LIX1L: variants seen among roughly 807,000 people sequenced by gnomAD.
LIX1L encodes the protein LIX1-like protein.
A neutral mutation model predicts 34.0 loss-of-function variants in LIX1L; 20 were observed. The ratio of observed to expected loss-of-function variants is 0.59; its 90% confidence interval spans 0.41 to 0.85. The LOEUF (loss-of-function observed/expected upper bound fraction) is 0.85. Ranked by LOEUF, LIX1L falls within the 40% of genes least tolerant of loss-of-function variation. The probability of loss-of-function intolerance (pLI) is 0.00; values close to 1 mark genes in which losing one functional copy is unlikely to be tolerated. For missense variants in LIX1L, 397 were observed against 447.0 expected (o/e 0.89, Z 1.01); for synonymous variants, 170 against 187.4 (o/e 0.91, Z 0.76).
chr1:145,936,817 T>C (rs587686633), intron 5 of LIX1L, 91 bp downstream of exon 5: 2 of 953,920 alleles, frequency 2.1e-6, no homozygotes, highest in African/African-American at 1.6e-5. Flanking sequence ...TAGGTCACAA[T>C]AGACCTTATT....
chr1:145,951,589 A>T (rs1302030417), intron 1 of LIX1L, among the ~76,000 whole-genome samples: 2 of 152,210 alleles, frequency 1.3e-5, no homozygotes, highest in Non-Finnish European at 2.9e-5. Context: ...TTAAAAAAAG[A>T]TCCAGCATGA....
intron 1 of LIX1L, among the ~76,000 whole-genome samples, chr1:145,956,474 C>G (rs1363569234): frequency 2.6e-5 from 4 of 152,120 alleles, no homozygotes; most frequent in Non-Finnish European, 5.9e-5. Context: ...GAAACTGAAG[C>G]TCAGTGAAAT....
intron 1 of LIX1L, among the ~76,000 whole-genome samples, chr1:145,955,888 G>C (rs1488078459): frequency 3.3e-5 from 5 of 152,204 alleles, no homozygotes; most frequent in African/African-American, 1.2e-4. Flanking sequence ...AGGATGTCCA[G>C]TTTGGGAGCC....
chr1:145,941,738 GT>G (rs1416104280), intron 3 of LIX1L, among the ~76,000 whole-genome samples: 1 of 152,102 alleles, frequency 6.6e-6, no homozygotes, highest in African/African-American at 2.4e-5. Flanking sequence ...CCACTTCTGT[GT>G]TTTTAGTCTC....
At chr1:145,954,448 G>A (rs74119670) in intron 1 of LIX1L, among the ~76,000 whole-genome samples, 10,731 of 152,212 alleles carry the variant, frequency 0.071, 1,290 homozygotes, top group African/African-American at 0.24. Flanking sequence ...AGCTATCTGT[G>A]ATTCTGAGGA....
rs781935222 is a variant in LIX1L at position 145,957,830 on chromosome 1, G to A, written c.98C>T (p.Ala33Val). The A allele has an allele frequency of 1.1e-4, 151 of 1,401,486 alleles. No homozygotes were observed. Among genetic ancestry groups the A allele is most frequent in the Non-Finnish European group, 1.4e-4 (149 of 1,079,256 alleles). 86.8% of individuals were successfully genotyped at this position (1,401,486 alleles called of 1,614,324 possible). The change falls in exon 1 of 6, where the codon GCC becomes GTC. Residue 33 changes from alanine (A) to valine (V), a missense_variant. By Grantham distance (64) the Ala-to-Val change is moderately conservative (BLOSUM62 0). This residue lies in a region of LIX1L where 207 missense variants were observed against 205.2 expected (regional missense o/e 1.01). Transcript: ENST00000604000. Reference sequence around the variant, plus strand: ...GCCCGCAGGGGGTGTGGCGGTGGCGGCCGCGGCCCCAGTCACTCCGGGCCG... The same window carrying A: ...GCCCGCAGGGGGTGTGGCGGTGGCGACCGCGGCCCCAGTCACTCCGGGCCG... ...ALRPGVTGAA[A>V]ATATPPAGPP...
chr1:145,945,932 CAAAAAAA>C (rs782015208), intron 2 of LIX1L, among the ~76,000 whole-genome samples: 9 of 71,900 alleles, frequency 1.3e-4, no homozygotes, highest in East Asian at 1.2e-3. Flanking sequence ...CTAAAAATAC[CAAAAAAA>C]AAAAAAAAAA....
chr1:145,955,064 CT>C (rs1203869878), intron 1 of LIX1L, among the ~76,000 whole-genome samples: 14 of 152,184 alleles, frequency 9.2e-5, no homozygotes, highest in African/African-American at 3.4e-4. Flanking sequence ...AAATATCTGC[CT>C]TGTCCACCAC....
intron 5 of LIX1L, 90 bp downstream of exon 5, chr1:145,936,818 A>G: frequency 1.0e-6 from 1 of 956,152 alleles, no homozygotes; most frequent in South Asian, 1.3e-5. Flanking sequence ...AGGTCACAAT[A>G]GACCTTATTT....
chr1:145,936,985 C>T lies in LIX1L; in HGVS notation c.694G>A (p.Glu232Lys), dbSNP rs1553757906. ...AGCAGTTGAAAAACTGTCATTAGCT[C>T]CTGGGGGAAGAGGATAGGAAGTACC... ...NKGKSMLEFQ[E>K]LMTVFQLLHW... Residue 232 changes from glutamate to lysine, a missense_variant and splice_region_variant, in exon 5 of 6, where the codon GAG (glutamate) becomes AAG (lysine). This residue lies in a region of LIX1L where 174 missense variants were observed against 204.0 expected (regional missense o/e 0.85). Transcript: ENST00000604000. 1.2e-6 allele frequency: 2 copies of T among 1,608,952 alleles called. No homozygotes were observed. The highest frequency in any genetic ancestry group is 1.7e-5 in the Admixed American group (1 of 59,970).
At chr1:145,941,374 TC>T (rs1648909848) in intron 3 of LIX1L, 1 of 151,664 alleles carries the variant, frequency 6.6e-6, no homozygotes, top group African/African-American at 2.4e-5. Flanking sequence ...TGCCTCGGCC[TC>T]CCGAGTAGCT....
intron 2 of LIX1L, chr1:145,947,385 G>C: frequency 1.9e-6 from 1 of 515,854 alleles, no homozygotes. Flanking sequence ...CTGAGCAAGG[G>C]GATATTCATA....
rs1414559013 is a variant in LIX1L at position 145,935,444 on chromosome 1, A to T, written c.*866T>A. On this transcript the variant is annotated 3_prime_UTR_variant, in exon 6 of 6. Coordinates refer to ENST00000604000, the MANE Select transcript of LIX1L (RefSeq NM_153713.3). Reference sequence around the variant, plus strand: ...AGGACTGATAACGCTTCCAAAAAATAAAATGTTAGGTGAAGGGAAATATGG... The same window carrying T: ...AGGACTGATAACGCTTCCAAAAAATTAAATGTTAGGTGAAGGGAAATATGG... The T allele has an allele frequency of 6.6e-6, 1 of 152,512 alleles. No individual in the cohort carries two copies. Among genetic ancestry groups the T allele is most frequent in the Non-Finnish European group, 1.5e-5 (1 of 68,120 alleles). The allele number at this position is 152,512 out of a possible 1,614,324, so 9.4% of individuals were successfully genotyped here. A position where few individuals can be genotyped will look rare whatever the true frequency, so the allele number is the denominator to read the frequency against.
intron 3 of LIX1L, among the ~76,000 whole-genome samples, chr1:145,938,930 A>T (rs1165903366): frequency 6.6e-6 from 1 of 151,608 alleles, no homozygotes; most frequent in Non-Finnish European, 1.5e-5. Context: ...TCTAGAGATG[A>T]TTTAAAGCAT....
intron 2 of LIX1L, among the ~76,000 whole-genome samples, chr1:145,945,300 C>CA (rs1176595454): frequency 0.88 from 107,475 of 121,778 alleles, 47,167 homozygotes; most frequent in African/African-American, 0.9. Context: ...GACTCTGTCT[C>CA]AAAAAAAAAA....
chr1:145,950,859 T>A (rs1649276115), intron 1 of LIX1L, among the ~76,000 whole-genome samples: 1 of 152,162 alleles, frequency 6.6e-6, no homozygotes, highest in South Asian at 2.1e-4. Context: ...GGTGCAAATG[T>A]GGTTATGGAT....
intron 3 of LIX1L, among the ~76,000 whole-genome samples, 187 bp from the exon 4 acceptor site, chr1:145,937,886 G>A (rs1553758048): frequency 6.6e-6 from 1 of 152,164 alleles, no homozygotes; most frequent in African/African-American, 2.4e-5. Flanking sequence ...CCAGCACTGT[G>A]GGAGGCCAAG....
rs1648962783 is a variant in LIX1L, at chr1:145,942,660, C to G, written c.597+53G>C. 11 of 1,560,048 alleles carry G rather than the reference C, an allele frequency of 7.1e-6. No individual in the cohort carries two copies. The East Asian group carries it at 2.0e-4, about 29-fold the overall frequency. On this transcript the variant is annotated intron_variant, in intron 3 of 5. Transcript: ENST00000604000. Reference sequence around the variant, plus strand: ...TCACAGTAATTTACGACTTCCCAAGCAGCCAGTTCTCCCATCTCCCACTCT... The same window carrying G: ...TCACAGTAATTTACGACTTCCCAAGGAGCCAGTTCTCCCATCTCCCACTCT...
At chr1:145,942,996 T>G in intron 2 of LIX1L, 143 bp from the exon 3 acceptor site, 1 of 807,902 alleles carries the variant, frequency 1.2e-6, no homozygotes, top group Middle Eastern at 2.7e-4. Context: ...TTTCCAAGGT[T>G]TTTATGGTAA....
Sources: gnomAD v4.1 joint callset for allele counts (sites outside exome capture counted in the v4.1 genomes callset) on GRCh38, gnomAD v4.1.1 for gene constraint, gnomAD v4.1.1 regional missense constraint, MANE v1.5 for transcripts, NCBI Gene and HGNC (gene_info 2026-07-23, HGNC 2026-07-21) for gene names.